Variants in COBLL1 observed in about 807,000 individuals in gnomAD.
COBLL1 encodes cordon-bleu WH2 repeat protein like 1.
Under a neutral mutation model 94.8 loss-of-function variants are expected in COBLL1, and 50 were observed. The ratio of observed to expected loss-of-function variants is 0.53; its 90% confidence interval spans 0.42 to 0.67. The LOEUF is 0.67. COBLL1 is among the 30% of genes least tolerant of loss of function. The pLI is 0.00. For missense variants in COBLL1, 1,362 were observed against 1,348.7 expected (o/e 1.01, Z -0.15); for synonymous variants, 448 against 473.8 (o/e 0.95, Z 0.71).
intron 3 of COBLL1, among the ~76,000 whole-genome samples, chr2:164,736,173 G>A (rs899985035): frequency 1.3e-5 from 2 of 152,082 alleles, no homozygotes. Flanking sequence ...TACCTTGTAA[G>A]TGCACACCAA....
At chr2:164,793,247 C>T (rs1014239957) in intron 2 of COBLL1, among the ~76,000 whole-genome samples, 4 of 149,208 alleles carry the variant, frequency 2.7e-5, no homozygotes, top group African/African-American at 9.9e-5. Flanking sequence ...TTAGCTAGAA[C>T]AAAACATGAT....
At chr2:164,817,669 T>G (rs534111232) in intron 2 of COBLL1, among the ~76,000 whole-genome samples, 1 of 148,712 alleles carries the variant, frequency 6.7e-6, no homozygotes, top group Non-Finnish European at 1.5e-5. Flanking sequence ...AATCACTGAA[T>G]GAGTTCCTAC....
At chr2:164,702,787 A>G (rs548861428) in intron 9 of COBLL1, among the ~76,000 whole-genome samples, 1 of 152,046 alleles carries the variant, frequency 6.6e-6, no homozygotes, top group Non-Finnish European at 1.5e-5. Context: ...TGGTATTTTA[A>G]GTGTGAGCCA....
chr2:164,738,965 T>A (rs572698327), intron 3 of COBLL1, among the ~76,000 whole-genome samples: 1 of 152,100 alleles, frequency 6.6e-6, no homozygotes, highest in Non-Finnish European at 1.5e-5. Flanking sequence ...CACACATACA[T>A]CTATACTACA....
intron 2 of COBLL1, among the ~76,000 whole-genome samples, chr2:164,762,434 C>T (rs1321168143): frequency 6.6e-6 from 1 of 152,158 alleles, no homozygotes; most frequent in African/African-American, 2.4e-5. Flanking sequence ...CCTGAACTAA[C>T]CAGGAGAGGT....
intron 2 of COBLL1, among the ~76,000 whole-genome samples, chr2:164,769,241 G>A (rs1188257037): frequency 2.0e-5 from 3 of 152,080 alleles, no homozygotes; most frequent in Non-Finnish European, 4.4e-5. Flanking sequence ...GTTCCTTTCA[G>A]CATTTGACCC....
chr2:164,764,414 T>A (rs1315297494), intron 2 of COBLL1, among the ~76,000 whole-genome samples: 3 of 152,188 alleles, frequency 2.0e-5, no homozygotes, highest in African/African-American at 4.8e-5. Context: ...AAATTGGAGT[T>A]AAATAAAAAT....
intron 13 of COBLL1, among the ~76,000 whole-genome samples, chr2:164,688,738 T>C (rs1190577989): frequency 6.6e-6 from 1 of 152,092 alleles, no homozygotes; most frequent in Non-Finnish European, 1.5e-5. Context: ...AAAAACTAAT[T>C]AAATAAACAA....
chr2:164,694,378 T>A lies in COBLL1; in HGVS notation c.3014A>T (p.Glu1005Val). ...RSQSFSKERT[E>V]SPSASALVQP... The stretch of plus-strand genomic sequence containing the variant: ...GACCAATGCACTGGCACTAGGTGAC[T>A]CGGTGCGCTCTTTACTGAAAGACTG... The change falls in exon 12 of 14, where the codon GAG becomes GTG. Residue 1005 changes from glutamate (E) to valine (V), a missense_variant. Physicochemically the swap from Glu to Val is moderately radical, Grantham distance 121 (BLOSUM62 -2). Transcript: ENST00000652658. 6.2e-7 allele frequency: 1 copy of A among 1,614,048 alleles called. No individual in the cohort carries two copies. Among genetic ancestry groups the A allele is most frequent in the South Asian group, 1.1e-5 (1 of 91,080 alleles).
intron 7 of COBLL1, among the ~76,000 whole-genome samples, chr2:164,720,550 CAA>C (rs1685392697): frequency 1.3e-5 from 2 of 152,142 alleles, no homozygotes; most frequent in Middle Eastern, 3.4e-3. Flanking sequence ...GGTAGCTACT[CAA>C]GAGTATAATT....
chr2:164,757,251 T>C (rs993992374), intron 2 of COBLL1, among the ~76,000 whole-genome samples: 2 of 152,204 alleles, frequency 1.3e-5, no homozygotes, highest in African/African-American at 4.8e-5. Flanking sequence ...TAAAGGCTTC[T>C]ACCTAGTTCA....
chr2:164,736,109 T>A (rs552130304), intron 3 of COBLL1, among the ~76,000 whole-genome samples: 24 of 152,298 alleles, frequency 1.6e-4, no homozygotes, highest in Admixed American at 5.9e-4. Context: ...CCCTATGAGA[T>A]TTCCCACTTC....
At chr2:164,734,610 G>A (rs1195035239) in intron 3 of COBLL1, among the ~76,000 whole-genome samples, 19 of 152,186 alleles carry the variant, frequency 1.2e-4, no homozygotes, top group Non-Finnish European at 1.5e-5. Context: ...TTAGGTGGGA[G>A]ATGGTGGTGT....
rs534419990 is a variant in COBLL1 at position 164,700,437 on chromosome 2, T to C, written c.1460+85A>G. The C allele has an allele frequency of 9.2e-5, 75 of 812,336 alleles. No individual in the cohort carries two copies. In the South Asian group the frequency reaches 1.3e-3, roughly 14 times the overall value. The allele number at this position is 812,336 out of a possible 1,614,324, so 50.3% of individuals were successfully genotyped here. ...AAAACCAAAGGGCTGACTATATTTA[T>C]GTTTAAAATATCAGATCTATATTTC... On this transcript the variant is annotated intron_variant, in intron 10 of 13. Transcript: ENST00000652658.
intron 2 of COBLL1, among the ~76,000 whole-genome samples, chr2:164,827,996 C>A (rs1685514681): frequency 6.6e-6 from 1 of 151,954 alleles, no homozygotes; most frequent in Non-Finnish European, 1.5e-5. Flanking sequence ...AAGCTCAAAC[C>A]AAGAATGGAA....
chr2:164,690,313 G>A (rs180817379), intron 13 of COBLL1, among the ~76,000 whole-genome samples: 74 of 152,136 alleles, frequency 4.9e-4, no homozygotes, highest in African/African-American at 1.7e-3. Context: ...TTAGAATCTG[G>A]CACTATGCTC....
intron 2 of COBLL1, among the ~76,000 whole-genome samples, chr2:164,768,092 A>C (rs1484838195): frequency 6.6e-6 from 1 of 152,152 alleles, no homozygotes; most frequent in Non-Finnish European, 1.5e-5. Context: ...ATTGCTGGAG[A>C]ACTGTGATCC....
rs1017537486 is a variant in COBLL1 at position 164,681,387 on chromosome 2, A to T, written c.*4559T>A. 7.2e-5 allele frequency: 11 copies of T among 152,132 alleles called. No homozygotes were observed. Among genetic ancestry groups the T allele is most frequent in the Admixed American group, 3.9e-4 (6 of 15,262 alleles). The allele number at this position is 152,132 out of a possible 1,614,324, so 9.4% of individuals were successfully genotyped here. A position where few individuals can be genotyped will look rare whatever the true frequency, so the allele number is the denominator to read the frequency against. On this transcript the variant is annotated 3_prime_UTR_variant, in exon 14 of 14. Coordinates refer to ENST00000652658, the MANE Select transcript of COBLL1 (RefSeq NM_001365672.2). Reference sequence around the variant, plus strand: ...GCAACATTTCAAATACAGTGAAAGCAAGCAGAAACACATGAACCTTTGAGG... The same window carrying T: ...GCAACATTTCAAATACAGTGAAAGCTAGCAGAAACACATGAACCTTTGAGG...
At chr2:164,792,130 A>G (rs1683218900) in intron 2 of COBLL1, among the ~76,000 whole-genome samples, 1 of 150,876 alleles carries the variant, frequency 6.6e-6, no homozygotes, top group African/African-American at 2.4e-5. Context: ...TTTATTTATT[A>G]CTATTATTAT....
Sources: allele counts gnomAD v4.1 joint callset (sites outside exome capture counted in the v4.1 genomes callset), GRCh38; gene constraint gnomAD v4.1.1; transcripts MANE v1.5; gene names NCBI Gene and HGNC (gene_info 2026-07-23, HGNC 2026-07-21).